ADK: variants seen among roughly 807,000 people sequenced by gnomAD.
ADK encodes the protein N6,N6-dimethyladenosine kinase.
In ADK, 24 loss-of-function variants were observed where a neutral mutation model predicts 44.7. The observed-to-expected ratio is 0.54, with a 90% CI of 0.39 to 0.76. The LOEUF (loss-of-function observed/expected upper bound fraction) is 0.76. ADK is among the 30% of genes least tolerant of loss of function. The pLI, the probability that ADK is intolerant of heterozygous loss-of-function variation, is 0.00. For missense variants in ADK, 321 were observed against 425.1 expected (o/e 0.76, Z 2.15); for synonymous variants, 128 against 142.6 (o/e 0.90, Z 0.73).
intron 3 of ADK, among the ~76,000 whole-genome samples, chr10:74,257,035 A>T (rs1424563648): frequency 6.6e-6 from 1 of 152,212 alleles, no homozygotes; most frequent in Non-Finnish European, 1.5e-5. Flanking sequence ...AAATTGACTT[A>T]TCTTTAATTT....
chr10:74,176,642 G>T, intron 1 of ADK: 4 of 1,406,102 alleles, frequency 2.8e-6, no homozygotes, highest in Non-Finnish European at 3.7e-6. Flanking sequence ...GTGGCCCACG[G>T]CGTCTGGGGA....
intron 10 of ADK, among the ~76,000 whole-genome samples, chr10:74,671,896 T>C (rs1381847299): frequency 1.3e-5 from 2 of 152,204 alleles, no homozygotes; most frequent in African/African-American, 4.8e-5. Context: ...CTTGGCTTCC[T>C]GGCCCGGCAA....
intron 6 of ADK, among the ~76,000 whole-genome samples, chr10:74,488,493 T>C (rs1847351612): frequency 6.6e-6 from 1 of 150,816 alleles, no homozygotes; most frequent in Non-Finnish European, 1.5e-5. Flanking sequence ...TAGGCTTGGT[T>C]TCAAGATGAA....
At chr10:74,584,472 T>C (rs1055085394) in intron 7 of ADK, among the ~76,000 whole-genome samples, 1 of 152,176 alleles carries the variant, frequency 6.6e-6, no homozygotes, top group Non-Finnish European at 1.5e-5. Context: ...TTGGCTATAA[T>C]TGCTTCCTAC....
intron 10 of ADK, among the ~76,000 whole-genome samples, chr10:74,685,299 C>T (rs1855747189): frequency 6.6e-6 from 1 of 152,218 alleles, no homozygotes; most frequent in African/African-American, 2.4e-5. Flanking sequence ...TTTATGTCTT[C>T]TTGCACTACT....
At chr10:74,521,351 CTT>C (rs1848827432) in intron 6 of ADK, among the ~76,000 whole-genome samples, 1 of 152,156 alleles carries the variant, frequency 6.6e-6, no homozygotes, top group Non-Finnish European at 1.5e-5. Flanking sequence ...TCACAAGACT[CTT>C]GTGTTGTATT....
chr10:74,176,658 TC>T lies in ADK; in HGVS notation c.66-24104del, dbSNP rs926436593. 5.7e-5 allele frequency: 81 copies of T among 1,425,748 alleles called. 1 individual carries two copies. The highest frequency in any genetic ancestry group is 2.6e-4 in the Middle Eastern group (1 of 3,878). 88.3% of individuals were successfully genotyped at this position (1,425,748 alleles called of 1,614,324 possible). ...TGGCCCACGGCGTCTGGGGACGATC[TC>T]CAGCCCTTCGCACGGGGCGGAGCGC... On this transcript the variant is annotated intron_variant, in intron 1 of 10. Coordinates refer to ENST00000539909, the MANE Select transcript of ADK (RefSeq NM_006721.4).
chr10:74,325,073 A>G (rs1840960686), intron 4 of ADK, among the ~76,000 whole-genome samples: 1 of 152,186 alleles, frequency 6.6e-6, no homozygotes. Flanking sequence ...GAATCTGTAG[A>G]TCACTTTGGA....
At chr10:74,422,909 G>C (rs943893177) in intron 6 of ADK, among the ~76,000 whole-genome samples, 1 of 152,144 alleles carries the variant, frequency 6.6e-6, no homozygotes, top group Non-Finnish European at 1.5e-5. Context: ...TTTCCCAGCT[G>C]GGAGTTAGGA....
chr10:74,203,404 G>A (rs1054675339), intron 2 of ADK, among the ~76,000 whole-genome samples: 1 of 151,944 alleles, frequency 6.6e-6, no homozygotes, highest in African/African-American at 2.4e-5. Flanking sequence ...TGTCACCCAG[G>A]ATGGGGTGCA....
intron 9 of ADK, among the ~76,000 whole-genome samples, chr10:74,623,623 A>C (rs972894738): frequency 6.6e-6 from 1 of 152,038 alleles, no homozygotes; most frequent in Non-Finnish European, 1.5e-5. Flanking sequence ...TTTTGTATGC[A>C]TGAATGGATA....
chr10:74,587,084 T>G (rs1851555212), intron 7 of ADK, among the ~76,000 whole-genome samples: 1 of 152,164 alleles, frequency 6.6e-6, no homozygotes, highest in African/African-American at 2.4e-5. Flanking sequence ...CCTGGGGTTC[T>G]CTCATGTCTC....
chr10:74,432,395 C>A (rs1251058112), intron 6 of ADK, among the ~76,000 whole-genome samples: 2 of 152,110 alleles, frequency 1.3e-5, no homozygotes, highest in African/African-American at 4.8e-5. Context: ...TGAGGGATAT[C>A]TCACATTGAT....
intron 6 of ADK, among the ~76,000 whole-genome samples, chr10:74,425,361 A>G (rs760636647): frequency 6.6e-6 from 1 of 151,926 alleles, no homozygotes; most frequent in Non-Finnish European, 1.5e-5. Context: ...ATTCTATTCA[A>G]CTCTTACACT....
At chr10:74,232,172 A>G (rs934702589) in intron 3 of ADK, among the ~76,000 whole-genome samples, 3 of 152,128 alleles carry the variant, frequency 2.0e-5, no homozygotes, top group Admixed American at 1.3e-4. Context: ...TGAAATTTTT[A>G]TACCTGGATT....
intron 1 of ADK, among the ~76,000 whole-genome samples, chr10:74,187,427 TTGCTGA>T (rs1314562838): frequency 1.3e-5 from 2 of 152,166 alleles, no homozygotes; most frequent in Non-Finnish European, 2.9e-5. Flanking sequence ...TGTCTTTTTG[TTGCTGA>T]TTTGTAGGAG....
At chr10:74,283,665 G>C (rs1439430943) in intron 3 of ADK, among the ~76,000 whole-genome samples, 3 of 132,946 alleles carry the variant, frequency 2.3e-5, no homozygotes, top group East Asian at 4.2e-4. Context: ...ACGGAGTTTC[G>C]CTCTTGTTTT....
At chr10:74,177,875 A>C (rs1258931327) in intron 1 of ADK, among the ~76,000 whole-genome samples, 1 of 150,934 alleles carries the variant, frequency 6.6e-6, no homozygotes, top group South Asian at 2.1e-4. Context: ...CCTCAGTAAG[A>C]TCTAACTGTG....
chr10:74,406,505 A>AAATAAT (rs150030020), intron 6 of ADK, among the ~76,000 whole-genome samples: 38 of 133,982 alleles, frequency 2.8e-4, no homozygotes, highest in Non-Finnish European at 4.6e-4. Context: ...ACTCCGATTA[A>AAATAAT]AATAATAATA....
Sources: gnomAD v4.1 joint callset for allele counts (sites outside exome capture counted in the v4.1 genomes callset) on GRCh38, gnomAD v4.1.1 for gene constraint, MANE v1.5 for transcripts, NCBI Gene and HGNC (gene_info 2026-07-23, HGNC 2026-07-21) for gene names.